Variants in CTNND2 observed in about 807,000 individuals in gnomAD.
The protein encoded by CTNND2 is catenin delta-2.
In CTNND2, 22 loss-of-function variants were observed where a neutral mutation model predicts 144.4. The observed-to-expected ratio is 0.15, with a 90% CI of 0.11 to 0.22. The LOEUF is 0.22. Among genes scored for constraint, CTNND2 ranks in the 10% least tolerant of loss-of-function variants. The probability of loss-of-function intolerance (pLI) is 1.00; values close to 1 mark genes in which losing one functional copy is unlikely to be tolerated. For missense variants in CTNND2, 1,353 were observed against 1,618.8 expected, an observed-to-expected ratio of 0.84 and a Z score of 2.82; for synonymous variants, 751 against 695.6, an observed-to-expected ratio of 1.08 and a Z score of -1.25.
chr5:11,101,254 A>G (rs1262446609), intron 14 of CTNND2, among the ~76,000 whole-genome samples: 1 of 152,164 alleles, frequency 6.6e-6, no homozygotes, highest in East Asian at 1.9e-4. Context: ...ATAGGGGGAA[A>G]AGCCCATTAA....
intron 5 of CTNND2, among the ~76,000 whole-genome samples, chr5:11,404,552 T>A (rs1760911857): frequency 6.8e-6 from 1 of 147,132 alleles, no homozygotes. Flanking sequence ...CAGTTACTGT[T>A]CAAGTGCAAG....
At chr5:11,095,385 C>T (rs1751230778) in intron 15 of CTNND2, among the ~76,000 whole-genome samples, 3 of 152,116 alleles carry the variant, frequency 2.0e-5, no homozygotes. Flanking sequence ...CCAGCTGAAC[C>T]AAAGAATCAA....
chr5:11,628,803 G>A (rs1781280220), intron 2 of CTNND2, among the ~76,000 whole-genome samples: 1 of 151,948 alleles, frequency 6.6e-6, no homozygotes, highest in African/African-American at 2.4e-5. Context: ...TAAAGCTTTT[G>A]AGAAGACTCG....
chr5:11,800,894 A>G (rs1791643879), intron 1 of CTNND2, among the ~76,000 whole-genome samples: 1 of 152,154 alleles, frequency 6.6e-6, no homozygotes, highest in African/African-American at 2.4e-5. Context: ...TCTTGCTTTC[A>G]TTACTTTCAG....
At chr5:11,590,956 G>T (rs918586854) in intron 2 of CTNND2, among the ~76,000 whole-genome samples, 1 of 152,186 alleles carries the variant, frequency 6.6e-6, no homozygotes, top group Non-Finnish European at 1.5e-5. Flanking sequence ...TTATACAATT[G>T]CTTGTCTAGA....
chr5:11,899,713 T>C (rs1024230354), intron 1 of CTNND2, among the ~76,000 whole-genome samples: 1 of 152,248 alleles, frequency 6.6e-6, no homozygotes, highest in African/African-American at 2.4e-5. Flanking sequence ...CACTTATCCA[T>C]GCTCTTACTC....
intron 3 of CTNND2, among the ~76,000 whole-genome samples, chr5:11,422,867 A>AT (rs1385964787): frequency 6.6e-6 from 1 of 152,224 alleles, no homozygotes; most frequent in Non-Finnish European, 1.5e-5. Context: ...ATAAAATTCA[A>AT]TATCAGAAGC....
chr5:11,077,586 G>T (rs1695840794), intron 16 of CTNND2, among the ~76,000 whole-genome samples: 1 of 152,174 alleles, frequency 6.6e-6, no homozygotes, highest in South Asian at 2.1e-4. Context: ...CATCTGCCCT[G>T]CAAAGACTTG....
Position 11,192,832 on chromosome 5 carries a change from G to A in CTNND2, c.1975+6616C>T, listed in dbSNP as rs577863226. 4.6e-5 allele frequency among the ~76,000 whole-genome samples: 7 copies of A among 152,296 alleles called. No homozygotes were observed. The South Asian group carries it at 1.2e-3, about 27-fold the overall frequency. On this transcript the variant is annotated intron_variant, in intron 11 of 21. Transcript: ENST00000304623. ...TCTTCCTTGTGTTAAGCTGCTAAAT[G>A]TGTGGTGAACTGTCACAGCAGCCAC... is the stretch of plus-strand genomic sequence containing the variant.
intron 2 of CTNND2, among the ~76,000 whole-genome samples, chr5:11,716,423 T>C (rs1048817295): frequency 6.6e-6 from 1 of 152,214 alleles, no homozygotes; most frequent in African/African-American, 2.4e-5. Flanking sequence ...AGCATTACCA[T>C]GAATAAGAGA....
At chr5:11,296,661 T>G (rs1310706558) in intron 9 of CTNND2, among the ~76,000 whole-genome samples, 2 of 152,122 alleles carry the variant, frequency 1.3e-5, no homozygotes, top group African/African-American at 4.8e-5. Flanking sequence ...CCATAAAAAA[T>G]GATGAGTTCA....
intron 3 of CTNND2, among the ~76,000 whole-genome samples, chr5:11,499,268 C>T (rs1055988061): frequency 3.3e-5 from 5 of 152,146 alleles, no homozygotes; most frequent in African/African-American, 1.2e-4. Context: ...TACCAGTTCA[C>T]GATCCTCTGA....
intron 1 of CTNND2, among the ~76,000 whole-genome samples, chr5:11,842,232 G>C (rs1394708080): frequency 6.6e-6 from 1 of 152,136 alleles, no homozygotes; most frequent in African/African-American, 2.4e-5. Flanking sequence ...GATCACTTAA[G>C]GGGAGGCAGC....
chr5:11,119,265 A>T (rs1753847815), intron 12 of CTNND2, among the ~76,000 whole-genome samples: 1 of 152,228 alleles, frequency 6.6e-6, no homozygotes, highest in Non-Finnish European at 1.5e-5. Context: ...GAGTTTTTTG[A>T]TACCTAAAAA....
At chr5:11,062,043 G>A (rs1747046845) in intron 16 of CTNND2, among the ~76,000 whole-genome samples, 1 of 152,082 alleles carries the variant, frequency 6.6e-6, no homozygotes, top group Non-Finnish European at 1.5e-5. Context: ...TTCACCACTA[G>A]GCTGTAAGCT....
intron 11 of CTNND2, among the ~76,000 whole-genome samples, chr5:11,161,307 G>C (rs1758748533): frequency 1.3e-5 from 2 of 152,176 alleles, no homozygotes; most frequent in African/African-American, 4.8e-5. Context: ...GTGCTTTAGT[G>C]AATTTGACCA....
chr5:11,442,067 T>G (rs988771209), intron 3 of CTNND2, among the ~76,000 whole-genome samples: 1 of 152,180 alleles, frequency 6.6e-6, no homozygotes, highest in Non-Finnish European at 1.5e-5. Context: ...GAAATACATA[T>G]TTATAGAAAA....
At chr5:11,249,283 C>G (rs566106074) in intron 9 of CTNND2, among the ~76,000 whole-genome samples, 1 of 152,316 alleles carries the variant, frequency 6.6e-6, no homozygotes, top group East Asian at 1.9e-4. Flanking sequence ...CAGGATCACA[C>G]CTGTGTTTGA....
At chr5:11,593,109 A>C (rs541771361) in intron 2 of CTNND2, among the ~76,000 whole-genome samples, 9 of 152,296 alleles carry the variant, frequency 5.9e-5, no homozygotes, top group African/African-American at 2.2e-4. Flanking sequence ...TGAAAGATTA[A>C]ATGAAAATGC....
Sources: allele counts gnomAD v4.1 joint callset (sites outside exome capture counted in the v4.1 genomes callset), GRCh38; gene constraint gnomAD v4.1.1; transcripts MANE v1.5; gene names NCBI Gene and HGNC (gene_info 2026-07-23, HGNC 2026-07-21).